Variants in TDRD6 observed in about 807,000 individuals in gnomAD.
The protein encoded by TDRD6 is tudor domain containing 6, also known as tudor domain-containing protein 6.
In TDRD6, 186 loss-of-function variants were observed where a neutral mutation model predicts 157.5. The observed-to-expected ratio is 1.18, with a 90% CI of 1.05 to 1.33. The LOEUF (loss-of-function observed/expected upper bound fraction) is 1.33, where lower values mean the gene tolerates loss of function less well. Among genes scored for constraint, TDRD6 ranks in the 40% most tolerant of loss-of-function variants. The probability of loss-of-function intolerance (pLI) is 0.00; values close to 1 mark genes in which losing one functional copy is unlikely to be tolerated. For synonymous variants in TDRD6, 1,075 were observed against 945.2 expected (o/e 1.14, Z -2.52); for missense variants, 3,066 against 2,508.0 (o/e 1.22, Z -4.75).
the TDRD6 span, among the ~76,000 whole-genome samples, chr6:46,680,756 A>G: frequency 6.6e-6 from 1 of 152,108 alleles, no homozygotes; most frequent in Non-Finnish European, 1.5e-5. Context: ...TTGGAAATGC[A>G]TTGCTCTAAT....
chr6:46,691,442 A>G lies in TDRD6; in HGVS notation c.3314A>G (p.Asp1105Gly), dbSNP rs1478497474. 6.2e-7 allele frequency: 1 copy of G among 1,613,944 alleles called. No individual in the cohort carries two copies. The highest frequency in any genetic ancestry group is 8.5e-7 in the Non-Finnish European group (1 of 1,179,966). ...AGATGTTCATTATCTGATATTCCTG[A>G]TCATATACCAGAAGAAGTGGTGGTG... Reference protein sequence around the residue: ...AVRCSLSDIPDHIPEEVVVWF... With the variant: ...AVRCSLSDIPGHIPEEVVVWF... Residue 1105 changes from aspartate (D) to glycine (G), a missense_variant, in exon 1 of 4, where the codon GAT becomes GGT. Transcript: ENST00000316081.
At chr6:46,696,975 G>A (rs549414873) in intron 2 of TDRD6, among the ~76,000 whole-genome samples, 1 of 152,026 alleles carries the variant, frequency 6.6e-6, no homozygotes, top group South Asian at 2.1e-4. Context: ...AATTTCTGGG[G>A]TTAGGATTCC....
upstream of TDRD6, among the ~76,000 whole-genome samples, chr6:46,687,388 C>T (rs1223332285): frequency 1.3e-5 from 2 of 152,094 alleles, no homozygotes; most frequent in Non-Finnish European, 2.9e-5. Context: ...GTTATTTTAA[C>T]CTCATAACAA....
upstream of TDRD6, among the ~76,000 whole-genome samples, chr6:46,686,239 C>T (rs1049350224): frequency 1.3e-5 from 2 of 152,082 alleles, no homozygotes; most frequent in African/African-American, 4.8e-5. Flanking sequence ...TCCATTATTC[C>T]ATGTAATGAT....
At position 46,692,329 on chromosome 6, in the gene TDRD6, A is replaced by G. The variant is rs1764355293; in HGVS notation, c.4201A>G (p.Ile1401Val). The change falls in exon 1 of 4, where the codon ATA (isoleucine) becomes GTA (valine). Residue 1401 changes from isoleucine to valine, a missense_variant. Coordinates refer to ENST00000316081, the MANE Select transcript of TDRD6 (RefSeq NM_001010870.3). ...GNVSVVHTNK[I>V]GRLDLVNAIL... ...TGTTTCTGTGGTTCATACTAACAAA[A>G]TAGGTAGGCTTGACCTTGTTAATGC... The G allele has an allele frequency of 6.2e-7, 1 of 1,614,070 alleles. No individual in the cohort carries two copies. Among genetic ancestry groups the G allele is most frequent in the South Asian group, 1.1e-5 (1 of 91,090 alleles).
chr6:46,698,979 C>T (rs1582552643), intron 3 of TDRD6, among the ~76,000 whole-genome samples: 2 of 152,236 alleles, frequency 1.3e-5, no homozygotes, highest in East Asian at 3.9e-4. Context: ...ATAAGCCACC[C>T]AGGGTAGTCA....
At position 46,689,998 on chromosome 6, in the gene TDRD6, G is replaced by C. The variant is rs778218556; in HGVS notation, c.1870G>C (p.Val624Leu). 2 of 1,613,728 alleles carry C rather than the reference G, an allele frequency of 1.2e-6. No homozygotes were observed. The highest frequency in any genetic ancestry group is 1.1e-5 in the South Asian group (1 of 91,036). The change falls in exon 1 of 4, where the codon GTG (valine) becomes CTG (leucine). Residue 624 changes from valine (V) to leucine (L), a missense_variant. Coordinates refer to ENST00000316081, the MANE Select transcript of TDRD6 (RefSeq NM_001010870.3). ...QEAVSFFKKT[V>L]LHKELVIHIL... is the part of the protein sequence containing the mutation. ...GGCAGTTTCCTTTTTTAAAAAGACT[G>C]TGCTCCACAAAGAATTAGTCATCCA...
In TDRD6 at chr6:46,689,746, G is replaced by T; in HGVS notation, c.1618G>T (p.Asp540Tyr). 6.2e-7 allele frequency: 1 copy of T among 1,614,168 alleles called. No individual in the cohort carries two copies. Residue 540 changes from aspartate to tyrosine, a missense_variant, in exon 1 of 4, where the codon GAT (aspartate) becomes TAT (tyrosine). Asp to Tyr is a radical substitution (Grantham distance 160). Transcript: ENST00000316081. ...TGGTGTAGTTTTGAAACCTGAACCT[G>T]ATGACCTTTGCTGTGTCAAGTGGAA... is the stretch of plus-strand genomic sequence containing the variant. ...LDGVVLKPEP[D>Y]DLCCVKWKEN...
rs1764187728 is a variant in TDRD6 at position 46,688,567 on chromosome 6, C to T, written c.439C>T (p.Pro147Ser). 6.3e-7 allele frequency: 1 copy of T among 1,592,336 alleles called. No homozygotes were observed. The highest frequency in any genetic ancestry group is 8.5e-7 in the Non-Finnish European group (1 of 1,176,136). ...AGCGAGSGEP[P>S]QHWPADAVDF... The stretch of plus-strand genomic sequence containing the variant: ...CTGCGGCGCGGGCTCAGGCGAGCCG[C>T]CGCAGCACTGGCCCGCCGACGCCGT... The change falls in exon 1 of 4, where the codon CCG (proline) becomes TCG (serine). Residue 147 changes from proline to serine, a missense_variant. Physicochemically the swap from Pro to Ser is moderately conservative, Grantham distance 74. Transcript: ENST00000316081.
In TDRD6 at chr6:46,688,617, C is replaced by G. The variant is rs1202516905; in HGVS notation, c.489C>G (p.Gly163=). 5.0e-6 allele frequency: 8 copies of G among 1,598,984 alleles called. No homozygotes were observed. Among genetic ancestry groups the G allele is most frequent in the African/African-American group, 1.3e-5 (1 of 74,930 alleles). Residue 163 remains glycine (G), a synonymous_variant, in exon 1 of 4, where the codon GGC becomes GGG. Coordinates refer to ENST00000316081, the MANE Select transcript of TDRD6 (RefSeq NM_001010870.3). ...DAVDFLSNLQ[G]KEVHGCVLDV... ...TGGACTTCCTTAGCAACCTTCAGGGCAAGGAGGTGCACGGGTGCGTCCTGG... is the reference window on the plus strand; with the variant it reads ...TGGACTTCCTTAGCAACCTTCAGGGGAAGGAGGTGCACGGGTGCGTCCTGG...
rs1460976418 is a variant in TDRD6, at chr6:46,688,891, G to A, written c.763G>A (p.Val255Ile). 1 of 1,607,086 alleles carries A rather than the reference G, an allele frequency of 6.2e-7. No homozygotes were observed. Among genetic ancestry groups the A allele is most frequent in the East Asian group, 2.2e-5 (1 of 44,694 alleles). Reference sequence around the variant, plus strand: ...GCAGCTGGGCGTGACGGAGGCCGTGGTCATAACCCAAGTGTGCCATCCCCA... The same window carrying A: ...GCAGCTGGGCGTGACGGAGGCCGTGATCATAACCCAAGTGTGCCATCCCCA... The part of the protein sequence containing the change: ...QLQLGVTEAV[V>I]ITQVCHPHRI... Residue 255 changes from valine to isoleucine, a missense_variant, in exon 1 of 4, where the codon GTC becomes ATC. Physicochemically the swap from Val to Ile is conservative, Grantham distance 29. Coordinates refer to ENST00000316081, the MANE Select transcript of TDRD6 (RefSeq NM_001010870.3).
intron 3 of TDRD6, chr6:46,700,956 C>T (rs760236575): frequency 5.5e-5 from 21 of 379,754 alleles, no homozygotes; most frequent in African/African-American, 1.1e-4. Context: ...ATTTTGTACT[C>T]GTGATAAAGA....
rs1368348944 is a variant in TDRD6 at position 46,703,510 on chromosome 6, G to T, written c.*1623G>T. 1 of 151,930 alleles carries T rather than the reference G, an allele frequency of 6.6e-6. No individual in the cohort carries two copies. The highest frequency in any genetic ancestry group is 2.4e-5 in the African/African-American group (1 of 41,398). The allele number at this position is 151,930 out of a possible 1,614,324, so 9.4% of individuals were successfully genotyped here. A position where few individuals can be genotyped will look rare whatever the true frequency, so the allele number is the denominator to read the frequency against. ...TATTTTAAAAAATTTAATCTGAATG[G>T]CTACAGAAGTAAAATTTCTCAGAAT... is the stretch of plus-strand genomic sequence containing the variant. On this transcript the variant is annotated 3_prime_UTR_variant, in exon 4 of 4. Transcript: ENST00000316081.
At chr6:46,701,341 C>T (rs187736382) in intron 3 of TDRD6, among the ~76,000 whole-genome samples, 1 of 152,146 alleles carries the variant, frequency 6.6e-6, no homozygotes, top group Non-Finnish European at 1.5e-5. Context: ...AGAATTTTCT[C>T]TGTTAATTAG....
rs1228298305 is a variant in TDRD6, at chr6:46,692,799, G to T, written c.4671G>T (p.Gln1557His). ...LEVEVQTAGEQVADRRNCIPC... is the reference protein window; with the variant it reads ...LEVEVQTAGEHVADRRNCIPC... ...TAGAAGTACAGACTGCTGGAGAACA[G>T]GTAGCAGACAGGAGAAATTGTATCC... Residue 1557 changes from glutamine to histidine, a missense_variant, in exon 1 of 4, where the codon CAG becomes CAT. Coordinates refer to ENST00000316081, the MANE Select transcript of TDRD6 (RefSeq NM_001010870.3). The T allele has an allele frequency of 6.2e-7, 1 of 1,613,980 alleles. No homozygotes were observed. The highest frequency in any genetic ancestry group is 2.2e-5 in the East Asian group (1 of 44,882).
upstream of TDRD6, among the ~76,000 whole-genome samples, chr6:46,685,895 G>C (rs1233190960): frequency 6.6e-6 from 1 of 152,112 alleles, no homozygotes; most frequent in East Asian, 1.9e-4. Context: ...AGATATATGA[G>C]GGGAGCTTAA....
In TDRD6 at chr6:46,692,122, A is replaced by T; in HGVS notation, c.3994A>T (p.Ser1332Cys). ...ACTAATAGAAGATGAAGCTGAAATT[A>T]GTCATCTTTCAGAGAGATTAAACAG... is the stretch of plus-strand genomic sequence containing the variant. The part of the protein sequence containing the change: ...VQLIEDEAEI[S>C]HLSERLNSVK... The change falls in exon 1 of 4, where the codon AGT becomes TGT. Residue 1332 changes from serine (S) to cysteine (C), a missense_variant. Transcript: ENST00000316081. The T allele has an allele frequency of 6.2e-7, 1 of 1,613,492 alleles. No homozygotes were observed. The highest frequency in any genetic ancestry group is 8.5e-7 in the Non-Finnish European group (1 of 1,179,700).
rs1385442354 is a variant in TDRD6, at chr6:46,690,098, G to A, written c.1970G>A (p.Ser657Asn). 2 of 1,613,882 alleles carry A rather than the reference G, an allele frequency of 1.2e-6. No individual in the cohort carries two copies. The highest frequency in any genetic ancestry group is 2.2e-5 in the East Asian group (1 of 44,882). ...TCAAGAACAGGGGAAGAAAACATTAGTAAGGTAATTGCCCAAGCTGGATAT... is the reference window on the plus strand; with the variant it reads ...TCAAGAACAGGGGAAGAAAACATTAATAAGGTAATTGCCCAAGCTGGATAT... The part of the protein sequence containing the change: ...DESRTGEENI[S>N]KVIAQAGYAK... The change falls in exon 1 of 4, where the codon AGT (serine) becomes AAT (asparagine). Residue 657 changes from serine (S) to asparagine (N), a missense_variant. Physicochemically the swap from Ser to Asn is conservative, Grantham distance 46. Transcript: ENST00000316081.
chr6:46,688,770 A>G lies in TDRD6; in HGVS notation c.642A>G (p.Thr214=), dbSNP rs368937717. The change falls in exon 1 of 4, where the codon ACA becomes ACG. Residue 214 remains threonine (T), a synonymous_variant. Coordinates refer to ENST00000316081, the MANE Select transcript of TDRD6 (RefSeq NM_001010870.3). The part of the protein sequence containing the change: ...LFRSLLERYL[T]AATASVGSGV... Reference sequence around the variant, plus strand: ...GTTCGCTGCTGGAGCGCTATCTCACAGCGGCCACTGCTAGCGTGGGCTCCG... The same window carrying G: ...GTTCGCTGCTGGAGCGCTATCTCACGGCGGCCACTGCTAGCGTGGGCTCCG... The G allele has an allele frequency of 1.3e-4, 209 of 1,606,908 alleles. No individual in the cohort carries two copies. Among genetic ancestry groups the G allele is most frequent in the Middle Eastern group, 1.7e-4 (1 of 6,060 alleles).
Sources: allele counts gnomAD v4.1 joint callset (sites outside exome capture counted in the v4.1 genomes callset), GRCh38; gene constraint gnomAD v4.1.1; transcripts MANE v1.5; gene names NCBI Gene and HGNC (gene_info 2026-07-23, HGNC 2026-07-21).